Variants in FLRT2 observed in about 807,000 individuals in gnomAD.
FLRT2 encodes the protein leucine-rich repeat transmembrane protein FLRT2.
FLRT2 carries 15 observed loss-of-function variants against 40.0 expected under a neutral mutation model. That is an observed-to-expected ratio of 0.38 (90% CI 0.25 to 0.58). The LOEUF is 0.58. FLRT2 is among the 20% of genes least tolerant of loss of function. FLRT2 has a pLI of 0.71. For synonymous variants in FLRT2, 380 were observed against 336.8 expected, an observed-to-expected ratio of 1.13 and a Z score of -1.41; for missense variants, 726 against 840.0, an observed-to-expected ratio of 0.86 and a Z score of 1.68.
chr14:85,530,371 G>C lies in FLRT2; in HGVS notation c.-540G>C, dbSNP rs564768939. ...GTGTCCACCGAGCCCTGGGATCAGG[G>C]TGGCAGTTCTCAACGATGGGCAGGA... is the stretch of plus-strand genomic sequence containing the variant. On this transcript the variant is annotated 5_prime_UTR_variant, in exon 1 of 2. Coordinates refer to ENST00000330753, the MANE Select transcript of FLRT2 (RefSeq NM_013231.6). 2 of 152,756 alleles carry C rather than the reference G, an allele frequency of 1.3e-5. No homozygotes were observed. The highest frequency in any genetic ancestry group is 2.9e-5 in the Non-Finnish European group (2 of 68,076). 9.5% of individuals were successfully genotyped at this position (152,756 alleles called of 1,614,324 possible).
At position 85,643,315 on chromosome 14, in the gene FLRT2, CTTT is replaced by C. The variant is rs1894201731; in HGVS notation, c.*19819_*19821del. On this transcript the variant is annotated 3_prime_UTR_variant, in exon 2 of 2. Transcript: ENST00000330753. ...TTTTTCTTTCTTTCTTTCTTTCTTT[CTTT>C]CTTTCTTTCTTTCTTTCTTTCTTTC... is the stretch of plus-strand genomic sequence containing the variant. 1.9e-5 allele frequency: 2 copies of C among 102,824 alleles called. No individual in the cohort carries two copies. Among genetic ancestry groups the C allele is most frequent in the Admixed American group, 1.0e-4 (1 of 9,782 alleles). The allele number at this position is 102,824 out of a possible 1,614,324, so 6.4% of individuals were successfully genotyped here. A position where few individuals can be genotyped will look rare whatever the true frequency, so the allele number is the denominator to read the frequency against.
At position 85,629,282 on chromosome 14, in the gene FLRT2, T is replaced by C. The variant is rs925603640; in HGVS notation, c.*5785T>C. On this transcript the variant is annotated 3_prime_UTR_variant, in exon 2 of 2. Transcript: ENST00000330753. ...ATAATTAGATGTTCTTGGTTTTTAA[T>C]AGATGCAGCAATGAGAGAGTACATT... The C allele has an allele frequency of 2.0e-5, 3 of 152,228 alleles. No individual in the cohort carries two copies. The highest frequency in any genetic ancestry group is 6.5e-5 in the Admixed American group (1 of 15,276). 9.4% of individuals were successfully genotyped at this position (152,228 alleles called of 1,614,324 possible). A position where few individuals can be genotyped will look rare whatever the true frequency, so the allele number is the denominator to read the frequency against.
chr14:85,575,995 T>C (rs558037587), intron 1 of FLRT2, among the ~76,000 whole-genome samples: 2 of 152,196 alleles, frequency 1.3e-5, no homozygotes, highest in Non-Finnish European at 2.9e-5. Flanking sequence ...ACTCCATTTG[T>C]GAGGGTATAT....
At chr14:85,572,650 T>TG (rs1890945055) in intron 1 of FLRT2, among the ~76,000 whole-genome samples, 1 of 152,220 alleles carries the variant, frequency 6.6e-6, no homozygotes, top group African/African-American at 2.4e-5. Flanking sequence ...TTTTGTGCTT[T>TG]AGTCCCTGTA....
rs187801585 is a variant in FLRT2, at chr14:85,627,647, G to T, written c.*4150G>T. The T allele has an allele frequency of 6.0e-6, 1 of 167,100 alleles. No individual in the cohort carries two copies. Among genetic ancestry groups the T allele is most frequent in the East Asian group, 1.9e-4 (1 of 5,184 alleles). 10.4% of individuals were successfully genotyped at this position (167,100 alleles called of 1,614,324 possible). ...GTCCCTGGAATGTAAGATTTATAAT[G>T]TTTAAGGCAAGGTGAAGGCATTGCC... is the stretch of plus-strand genomic sequence containing the variant. On this transcript the variant is annotated 3_prime_UTR_variant, in exon 2 of 2. Transcript: ENST00000330753.
In FLRT2 at chr14:85,625,629, G is replaced by C. The variant is rs919364092; in HGVS notation, c.*2132G>C. 2 of 166,904 alleles carry C rather than the reference G, an allele frequency of 1.2e-5. No individual in the cohort carries two copies. The highest frequency in any genetic ancestry group is 2.9e-5 in the Non-Finnish European group (2 of 68,092). 10.3% of individuals were successfully genotyped at this position (166,904 alleles called of 1,614,324 possible). A position where few individuals can be genotyped will look rare whatever the true frequency, so the allele number is the denominator to read the frequency against. ...TTGGCTGTTGCTTTTTTTAAAGTTA[G>C]GTCCACACAGTGAAGGGAAAAGAGT... On this transcript the variant is annotated 3_prime_UTR_variant, in exon 2 of 2. Coordinates refer to ENST00000330753, the MANE Select transcript of FLRT2 (RefSeq NM_013231.6).
chr14:85,587,652 C>T (rs184797604), intron 1 of FLRT2, among the ~76,000 whole-genome samples: 1 of 152,102 alleles, frequency 6.6e-6, no homozygotes, highest in Non-Finnish European at 1.5e-5. Flanking sequence ...ATGTAAGCGG[C>T]CTCTTTAGAT....
chr14:85,628,226 A>G lies in FLRT2; in HGVS notation c.*4729A>G, dbSNP rs1893773253. 1 of 152,214 alleles carries G rather than the reference A, an allele frequency of 6.6e-6. No individual in the cohort carries two copies. The allele number at this position is 152,214 out of a possible 1,614,324, so 9.4% of individuals were successfully genotyped here. ...ACTGGTGAAATCTATGTTGTTTAGG[A>G]TACAGATAATGTCATTGTATTTATC... On this transcript the variant is annotated 3_prime_UTR_variant, in exon 2 of 2. Coordinates refer to ENST00000330753, the MANE Select transcript of FLRT2 (RefSeq NM_013231.6).
Position 85,640,505 on chromosome 14 carries a change from C to A in FLRT2, c.*17008C>A, listed in dbSNP as rs1027344007. On this transcript the variant is annotated 3_prime_UTR_variant, in exon 2 of 2. Transcript: ENST00000330753. Reference sequence around the variant, plus strand: ...TAATTCATAGGAAAGCCACTGGGAGCCTTCTGGGAGCCAGAAGCAAATTAG... The same window carrying A: ...TAATTCATAGGAAAGCCACTGGGAGACTTCTGGGAGCCAGAAGCAAATTAG... The A allele has an allele frequency of 1.3e-5, 2 of 152,118 alleles. No homozygotes were observed. Among genetic ancestry groups the A allele is most frequent in the Non-Finnish European group, 2.9e-5 (2 of 68,030 alleles). The allele number at this position is 152,118 out of a possible 1,614,324, so 9.4% of individuals were successfully genotyped here.
intron 1 of FLRT2, among the ~76,000 whole-genome samples, chr14:85,610,577 A>C (rs1409235140): frequency 1.3e-5 from 2 of 152,118 alleles, no homozygotes; most frequent in Non-Finnish European, 2.9e-5. Context: ...TTTCTCATAA[A>C]ATTTCTGAGA....
chr14:85,552,454 A>G (rs1485995278), intron 1 of FLRT2, among the ~76,000 whole-genome samples: 1 of 152,230 alleles, frequency 6.6e-6, no homozygotes, highest in Non-Finnish European at 1.5e-5. Context: ...TCAATAGATT[A>G]GCAGATCTTC....
rs1189141930 is a variant in FLRT2, at chr14:85,628,846, G to C, written c.*5349G>C. The stretch of plus-strand genomic sequence containing the variant: ...AGAGTTACAGACCTTATTCTATACA[G>C]ACTAAACCATTAGTCAAAAAATACC... On this transcript the variant is annotated 3_prime_UTR_variant, in exon 2 of 2. Coordinates refer to ENST00000330753, the MANE Select transcript of FLRT2 (RefSeq NM_013231.6). 1 of 152,106 alleles carries C rather than the reference G, an allele frequency of 6.6e-6. No homozygotes were observed. Among genetic ancestry groups the C allele is most frequent in the Admixed American group, 6.6e-5 (1 of 15,262 alleles). 9.4% of individuals were successfully genotyped at this position (152,106 alleles called of 1,614,324 possible).
chr14:85,622,862 T>C lies in FLRT2; in HGVS notation c.1348T>C (p.Tyr450His). The change falls in exon 2 of 2, where the codon TAC (tyrosine) becomes CAC (histidine). Residue 450 changes from tyrosine (Y) to histidine (H), a missense_variant. Around this residue, in one of 3 missense-constraint regions of FLRT2, gnomAD observed 611 missense variants for 690.0 expected, o/e 0.89. Coordinates refer to ENST00000330753, the MANE Select transcript of FLRT2 (RefSeq NM_013231.6). ...SWLSLFTVMA[Y>H]KLTWVKMGHS... is the part of the protein sequence containing the mutation. ...GCTCTCTCTCTTCACCGTGATGGCA[T>C]ACAAACTCACATGGGTGAAAATGGG... The C allele has an allele frequency of 1.9e-6, 3 of 1,614,198 alleles. No individual in the cohort carries two copies. The highest frequency in any genetic ancestry group is 2.5e-6 in the Non-Finnish European group (3 of 1,180,044).
intron 1 of FLRT2, among the ~76,000 whole-genome samples, chr14:85,592,730 A>C (rs1481670609): frequency 6.7e-6 from 1 of 148,332 alleles, no homozygotes; most frequent in Non-Finnish European, 1.5e-5. Context: ...CGAAGGTTGC[A>C]GCGAGCCGAG....
chr14:85,583,180 A>G (rs1891467409), intron 1 of FLRT2, among the ~76,000 whole-genome samples: 1 of 152,210 alleles, frequency 6.6e-6, no homozygotes, highest in Admixed American at 6.5e-5. Context: ...CTGAAGGTTA[A>G]ATTGTCTCTG....
At position 85,621,518 on chromosome 14, in the gene FLRT2, G is replaced by A; in HGVS notation, c.4G>A (p.Gly2Ser). The change falls in exon 2 of 2, where the codon GGC (glycine) becomes AGC (serine). Residue 2 changes from glycine to serine, a missense_variant. Coordinates refer to ENST00000330753, the MANE Select transcript of FLRT2 (RefSeq NM_013231.6). The stretch of plus-strand genomic sequence containing the variant: ...ATTTTATTTCCGTACTTCAGAAATG[G>A]GCCTACAGACCACAAAGTGGCCCAG... The part of the protein sequence containing the change: M[G>S]LQTTKWPSHG... The A allele has an allele frequency of 1.9e-6, 3 of 1,603,858 alleles. No individual in the cohort carries two copies. The highest frequency in any genetic ancestry group is 2.6e-6 in the Non-Finnish European group (3 of 1,175,306).
At chr14:85,546,047 A>T (rs1031802769) in intron 1 of FLRT2, among the ~76,000 whole-genome samples, 2 of 152,154 alleles carry the variant, frequency 1.3e-5, no homozygotes, top group Non-Finnish European at 2.9e-5. Context: ...ATGATGAGAG[A>T]TGGGCTCGGA....
In FLRT2 at chr14:85,632,999, A is replaced by G. The variant is rs1225510601; in HGVS notation, c.*9502A>G. ...AGTATCTGGTACTGAGTATACATTG[A>G]ATAAATGACATGAAGCACCATGTAT... On this transcript the variant is annotated 3_prime_UTR_variant, in exon 2 of 2. Transcript: ENST00000330753. 2.0e-5 allele frequency: 3 copies of G among 152,178 alleles called. No individual in the cohort carries two copies. The highest frequency in any genetic ancestry group is 7.2e-5 in the African/African-American group (3 of 41,406). The allele number at this position is 152,178 out of a possible 1,614,324, so 9.4% of individuals were successfully genotyped here.
At chr14:85,613,680 T>C (rs1892998739) in intron 1 of FLRT2, among the ~76,000 whole-genome samples, 2 of 152,188 alleles carry the variant, frequency 1.3e-5, no homozygotes, top group Admixed American at 1.3e-4. Context: ...CTGCCACGTA[T>C]GGCTGTAGGC....
Sources: gnomAD v4.1 joint callset for allele counts (sites outside exome capture counted in the v4.1 genomes callset) on GRCh38, gnomAD v4.1.1 for gene constraint, gnomAD v4.1.1 regional missense constraint, MANE v1.5 for transcripts, NCBI Gene and HGNC (gene_info 2026-07-23, HGNC 2026-07-21) for gene names.